TTLL8: variants seen among roughly 807,000 people sequenced by gnomAD.
TTLL8 encodes tubulin tyrosine ligase like 8.
Under a neutral mutation model 77.8 loss-of-function variants are expected in TTLL8, and 65 were observed. The ratio of observed to expected loss-of-function variants is 0.84; its 90% CI spans 0.68 to 1.03. TTLL8 has a LOEUF of 1.03. Ranked by LOEUF, TTLL8 falls within the 50% of genes least tolerant of loss-of-function variation. The pLI is 0.00. For synonymous variants in TTLL8, 402 were observed against 422.8 expected, an observed-to-expected ratio of 0.95 and a Z score of 0.60; for missense variants, 910 against 1,004.5, an observed-to-expected ratio of 0.91 and a Z score of 1.27.
In TTLL8 at chr22:50,044,976, C is replaced by T. The variant is rs1053994344; in HGVS notation, c.643+279G>A. Among the ~76,000 whole-genome samples, 13 of 152,152 alleles carry T rather than the reference C, an allele frequency of 8.5e-5. No homozygotes were observed. Among genetic ancestry groups the T allele is most frequent in the African/African-American group, 2.4e-4 (10 of 41,428 alleles). On this transcript the variant is annotated intron_variant, in intron 6 of 13. Transcript: ENST00000266182. This position sits in a 1 kb window ranked among gnomAD's most constrained non-coding sequence, Gnocchi z 4.2. ...GGCTTCCGACCACAGGCTGGAACCA[C>T]GTCCGCGGCACAGGACTGTGGCAGT...
chr22:50,026,282 C>T (rs5771305), intron 12 of TTLL8, among the ~76,000 whole-genome samples: 26,407 of 150,964 alleles, frequency 0.17, 3,086 homozygotes, highest in East Asian at 0.5. Flanking sequence ...TCTGCACAGC[C>T]GCCACCCTGC....
chr22:50,030,591 G>C (rs373360845), exon 12 of TTLL8: 63 of 1,299,422 alleles, frequency 4.8e-5, no homozygotes, highest in Non-Finnish European at 6.2e-5. Context: ...GTGGCGACAG[G>C]GGCAGGCCGG....
In TTLL8 at chr22:50,025,066, C is replaced by T. The variant is rs963326166; in HGVS notation, c.2203+5364G>A. 1.1e-4 allele frequency among the ~76,000 whole-genome samples: 16 copies of T among 152,044 alleles called. 1 individual carries two copies. Among genetic ancestry groups the T allele is most frequent in the Admixed American group, 5.9e-4 (9 of 15,258 alleles). On this transcript the variant is annotated intron_variant, in intron 12 of 13. Transcript: ENST00000266182. The stretch of plus-strand genomic sequence containing the variant: ...ACCATACACAAGAATTCACTCAAGA[C>T]GCATCATTGACCAAAATGTGAAAGT...
In TTLL8 at chr22:50,049,231, C is replaced by T. The variant is rs201699931; in HGVS notation, c.264+18G>A. On this transcript the variant is annotated intron_variant, in intron 3 of 13. Transcript: ENST00000266182. ...TTGGAGAGGCCGCAGCTGACCATGA[C>T]GCATGCAGGGGACGTACCATCACGT... 4.0e-4 allele frequency: 542 copies of T among 1,367,538 alleles called. 1 individual carries two copies. The highest frequency in any genetic ancestry group is 4.7e-4 in the Non-Finnish European group (476 of 1,021,822). 84.7% of individuals were successfully genotyped at this position (1,367,538 alleles called of 1,614,324 possible).
At chr22:50,031,891 C>A (rs767592652) in exon 11 of TTLL8, 1 of 1,367,162 alleles carries the variant, frequency 7.3e-7, no homozygotes, top group Non-Finnish European at 9.8e-7. Flanking sequence ...GCTGTTCTTG[C>A]GAGGCTCCAC....
exon 12 of TTLL8, chr22:50,030,781 C>A (rs548356905): frequency 1.5e-6 from 2 of 1,347,754 alleles, no homozygotes; most frequent in South Asian, 1.2e-5. Flanking sequence ...GCCGAGGGGC[C>A]CCGTGCCTTC....
intron 12 of TTLL8, among the ~76,000 whole-genome samples, chr22:50,024,515 A>T (rs1037953730): frequency 6.6e-6 from 1 of 152,224 alleles, no homozygotes; most frequent in African/African-American, 2.4e-5. Flanking sequence ...CCTTCAAGAG[A>T]GTATATTTTT....
At chr22:50,050,318 G>C (rs1404125174) in intron 1 of TTLL8, 71 bp from the exon 4 acceptor site, 4 of 1,165,212 alleles carry the variant, frequency 3.4e-6, no homozygotes, top group African/African-American at 3.2e-5. Context: ...TGGTTGCATG[G>C]ATAAGCTTGT....
In TTLL8 at chr22:50,030,387, G is replaced by T. The variant is rs761589167; in HGVS notation, c.2203+43C>A. 1.7e-5 allele frequency: 22 copies of T among 1,265,690 alleles called. No individual in the cohort carries two copies. In the South Asian group the frequency reaches 2.5e-4, roughly 15 times the overall value. 78.4% of individuals were successfully genotyped at this position (1,265,690 alleles called of 1,614,324 possible). ...CTGGCGAGGGTTGGGGATGCAGCAGGCGGCCCCCAAGCCCACAGCGCACCG... is the reference window on the plus strand; with the variant it reads ...CTGGCGAGGGTTGGGGATGCAGCAGTCGGCCCCCAAGCCCACAGCGCACCG... On this transcript the variant is annotated intron_variant, in intron 12 of 13. Transcript: ENST00000266182.
rs116187740 is a variant in TTLL8 at position 50,044,489 on chromosome 22, G to A, written c.643+766C>T. Among the ~76,000 whole-genome samples, 3 of 152,294 alleles carry A rather than the reference G, an allele frequency of 2.0e-5. No individual in the cohort carries two copies. Among genetic ancestry groups the A allele is most frequent in the East Asian group, 1.9e-4 (1 of 5,182 alleles). On this transcript the variant is annotated intron_variant, in intron 6 of 13. Coordinates refer to ENST00000266182, the Ensembl canonical transcript of TTLL8. The surrounding 1 kb of genome is among the most constrained non-coding windows in gnomAD (Gnocchi z 4.2). ...CTCACTCAGCACAAATGAAGCCACCGCTCCAGCGTTCACCAATCAGGATTT... is the reference window on the plus strand; with the variant it reads ...CTCACTCAGCACAAATGAAGCCACCACTCCAGCGTTCACCAATCAGGATTT...
intron 8 of TTLL8, among the ~76,000 whole-genome samples, chr22:50,037,108 A>G (rs1236823845): frequency 6.6e-6 from 1 of 152,226 alleles, no homozygotes; most frequent in Non-Finnish European, 1.5e-5. Context: ...AGAAACTGTC[A>G]AAGACTTTTC....
chr22:50,030,415 G>C lies in TTLL8; in HGVS notation c.2203+15C>G. On this transcript the variant is annotated intron_variant, in intron 12 of 13. Coordinates refer to ENST00000266182, the Ensembl canonical transcript of TTLL8. ...GCCCCCAAGCCCACAGCGCACCGCC[G>C]GCGGCGCAGGTTACCTTTTCCTCCG... The C allele has an allele frequency of 3.1e-6, 4 of 1,305,816 alleles. No individual in the cohort carries two copies. Among genetic ancestry groups the C allele is most frequent in the Non-Finnish European group, 3.0e-6 (3 of 1,002,156 alleles). 80.9% of individuals were successfully genotyped at this position (1,305,816 alleles called of 1,614,324 possible). A position where few individuals can be genotyped will look rare whatever the true frequency, so the allele number is the denominator to read the frequency against.
At chr22:50,027,870 G>A in intron 12 of TTLL8, 1 of 920,054 alleles carries the variant, frequency 1.1e-6, no homozygotes. Context: ...GCCCTCGAGG[G>A]CCTGACCGCG....
chr22:50,021,315 T>C (rs1452867641), intron 12 of TTLL8, among the ~76,000 whole-genome samples: 1 of 145,092 alleles, frequency 6.9e-6, no homozygotes, highest in East Asian at 2.1e-4. Context: ...TGTGTACTCC[T>C]CCATCTGATG....
chr22:50,052,068 C>G (rs9628319), intron 1 of TTLL8, among the ~76,000 whole-genome samples: 6 of 150,132 alleles, frequency 4.0e-5, no homozygotes, highest in African/African-American at 1.2e-4. Flanking sequence ...CTGGGAACCC[C>G]GAGTCTGAGT....
Position 50,041,383 on chromosome 22 carries a change from C to T in TTLL8, c.831-106G>A. The T allele has an allele frequency of 2.4e-6, 2 of 826,948 alleles. No individual in the cohort carries two copies. The highest frequency in any genetic ancestry group is 5.6e-5 in the Admixed American group (2 of 35,806). The allele number at this position is 826,948 out of a possible 1,614,324, so 51.2% of individuals were successfully genotyped here. A position where few individuals can be genotyped will look rare whatever the true frequency, so the allele number is the denominator to read the frequency against. Reference sequence around the variant, plus strand: ...TAAGGCACCCCAAGATCCAGACAGACACCCCAATACCCAACAAGTATCCCA... The same window carrying T: ...TAAGGCACCCCAAGATCCAGACAGATACCCCAATACCCAACAAGTATCCCA... On this transcript the variant is annotated intron_variant, in intron 7 of 13. Coordinates refer to ENST00000266182, the Ensembl canonical transcript of TTLL8. The surrounding 1 kb of genome is among the most constrained non-coding windows in gnomAD (Gnocchi z 4.3).
rs1169266235 is a variant in TTLL8, at chr22:50,044,210, C to T, written c.643+1045G>A. ...GCGTGGTGGTGGGCACCCAACTACT[C>T]GGGAGGCTGAGACAGGAGAATCGCT... On this transcript the variant is annotated intron_variant, in intron 6 of 13. Coordinates refer to ENST00000266182, the Ensembl canonical transcript of TTLL8. The surrounding 1 kb of genome is among the most constrained non-coding windows in gnomAD (Gnocchi z 4.2). Among the ~76,000 whole-genome samples, 4 of 151,752 alleles carry T rather than the reference C, an allele frequency of 2.6e-5. No individual in the cohort carries two copies. Among genetic ancestry groups the T allele is most frequent in the Non-Finnish European group, 5.9e-5 (4 of 67,966 alleles).
intron 3 of TTLL8, 28 bp from the exon 6 acceptor site, chr22:50,047,324 C>A: frequency 7.3e-7 from 1 of 1,365,178 alleles, no homozygotes; most frequent in Non-Finnish European, 9.8e-7. Context: ...TTTATTGATG[C>A]CCAGCATTCA....
intron 12 of TTLL8, among the ~76,000 whole-genome samples, chr22:50,028,389 G>A (rs2061244782): frequency 6.6e-6 from 1 of 152,214 alleles, no homozygotes; most frequent in Non-Finnish European, 1.5e-5. Flanking sequence ...GTGTCTGGGA[G>A]GCCACGTCAC....
Sources: allele counts gnomAD v4.1 joint callset (sites outside exome capture counted in the v4.1 genomes callset), GRCh38; gene constraint gnomAD v4.1.1; non-coding constraint Gnocchi (gnomAD v3.1); transcripts MANE v1.5; gene names NCBI Gene and HGNC (gene_info 2026-07-23, HGNC 2026-07-21).